Variants in ATRNL1 observed in about 807,000 individuals in gnomAD.
ATRNL1 encodes attractin like 1.
In ATRNL1, 95 loss-of-function variants were observed where a neutral mutation model predicts 182.7. The observed-to-expected ratio is 0.52, with a 90% CI of 0.44 to 0.62. The LOEUF (loss-of-function observed/expected upper bound fraction) is 0.62. ATRNL1 is among the 20% of genes least tolerant of loss of function. ATRNL1 has a pLI of 0.00. For missense variants in ATRNL1, 1,471 were observed against 1,679.5 expected (o/e 0.88, Z 2.17); for synonymous variants, 576 against 568.3 (o/e 1.01, Z -0.19).
At chr10:115,784,032 C>A (rs1388969456) in intron 27 of ATRNL1, among the ~76,000 whole-genome samples, 2 of 152,014 alleles carry the variant, frequency 1.3e-5, no homozygotes, top group East Asian at 1.9e-4. Flanking sequence ...ACAACAACAA[C>A]AAAAATGATT....
chr10:115,586,587 C>G (rs1282668695), intron 26 of ATRNL1, among the ~76,000 whole-genome samples: 1 of 106,236 alleles, frequency 9.4e-6, no homozygotes, highest in Admixed American at 1.2e-4. Context: ...GTTCTCGAGC[C>G]TTGGTTTTCA....
At chr10:115,905,040 G>T in intron 28 of ATRNL1, among the ~76,000 whole-genome samples, 1 of 152,106 alleles carries the variant, frequency 6.6e-6, no homozygotes, top group East Asian at 1.9e-4. Context: ...AAGTCTGAAA[G>T]AGTTCAAAAT....
At chr10:115,833,420 G>A (rs184289280) in intron 27 of ATRNL1, among the ~76,000 whole-genome samples, 1 of 152,284 alleles carries the variant, frequency 6.6e-6, no homozygotes, top group African/African-American at 2.4e-5. Context: ...CTCAAAGGCT[G>A]TGTCACACCA....
At position 115,114,689 on chromosome 10, in the gene ATRNL1, G is replaced by T. The variant is rs147646862; in HGVS notation, c.294-5496G>T. 2.9e-3 allele frequency among the ~76,000 whole-genome samples: 444 copies of T among 152,166 alleles called. 2 individuals are homozygous for T. The East Asian group carries it at 0.036, about 12-fold the overall frequency. The stretch of plus-strand genomic sequence containing the variant: ...GAAATGCAGATCAAAACCACAATGG[G>T]ATGTCATCTCATACCTCTTAAAATG... On this transcript the variant is annotated intron_variant, in intron 1 of 28. Coordinates refer to ENST00000355044, the MANE Select transcript of ATRNL1 (RefSeq NM_207303.4).
intron 19 of ATRNL1, among the ~76,000 whole-genome samples, chr10:115,371,708 G>C (rs1857405224): frequency 6.6e-6 from 1 of 152,198 alleles, no homozygotes; most frequent in East Asian, 1.9e-4. Context: ...TCTCGGATGA[G>C]ACTGTGGACT....
chr10:115,887,754 A>G (rs1951982896), intron 28 of ATRNL1, among the ~76,000 whole-genome samples: 2 of 151,166 alleles, frequency 1.3e-5, no homozygotes, highest in South Asian at 4.2e-4. Context: ...CAAACCAGAA[A>G]CCTTCCTCTA....
chr10:115,700,092 T>G, intron 26 of ATRNL1, among the ~76,000 whole-genome samples: 1 of 152,244 alleles, frequency 6.6e-6, no homozygotes, highest in Non-Finnish European at 1.5e-5. Flanking sequence ...CTGTCATTGA[T>G]GGACACTTAA....
intron 26 of ATRNL1, among the ~76,000 whole-genome samples, chr10:115,659,920 C>T (rs1320416113): frequency 2.0e-5 from 3 of 152,040 alleles, no homozygotes; most frequent in East Asian, 3.9e-4. Context: ...GTCAAGAGAT[C>T]GTTCTGGAGA....
intron 21 of ATRNL1, among the ~76,000 whole-genome samples, chr10:115,444,644 AT>A (rs1238255725): frequency 1.9e-4 from 27 of 144,600 alleles, no homozygotes; most frequent in African/African-American, 5.4e-4. Flanking sequence ...GTGTGAGTTG[AT>A]TTTTTTTTTC....
intron 19 of ATRNL1, among the ~76,000 whole-genome samples, chr10:115,373,446 T>C (rs1554948643): frequency 6.6e-6 from 1 of 152,078 alleles, no homozygotes; most frequent in African/African-American, 2.4e-5. Flanking sequence ...TTTATTGTTC[T>C]AGAAGAAATG....
chr10:115,641,422 C>T (rs780241258), intron 26 of ATRNL1, among the ~76,000 whole-genome samples: 7 of 152,156 alleles, frequency 4.6e-5, no homozygotes, highest in Non-Finnish European at 7.4e-5. Flanking sequence ...AAAGAAGTCA[C>T]ACATTGCCCT....
intron 27 of ATRNL1, among the ~76,000 whole-genome samples, chr10:115,749,862 C>T (rs1555070204): frequency 6.6e-6 from 1 of 151,936 alleles, no homozygotes; most frequent in Non-Finnish European, 1.5e-5. Context: ...GAGAAAGTCA[C>T]TTAAGCATTT....
At chr10:115,197,423 T>A (rs1848402855) in intron 8 of ATRNL1, among the ~76,000 whole-genome samples, 1 of 152,150 alleles carries the variant, frequency 6.6e-6, no homozygotes, top group Admixed American at 6.6e-5. Context: ...TTATGTAGAA[T>A]TGATATTATT....
intron 26 of ATRNL1, among the ~76,000 whole-genome samples, chr10:115,705,231 G>A (rs1363362767): frequency 6.6e-6 from 1 of 151,798 alleles, no homozygotes; most frequent in Non-Finnish European, 1.5e-5. Flanking sequence ...TGGATCCTGA[G>A]AACTAAAAAT....
At chr10:115,351,934 A>G (rs1856277952) in intron 19 of ATRNL1, among the ~76,000 whole-genome samples, 1 of 152,014 alleles carries the variant, frequency 6.6e-6, no homozygotes, top group Non-Finnish European at 1.5e-5. Context: ...CAGCAGTGAA[A>G]CTATCTGATA....
intron 26 of ATRNL1, among the ~76,000 whole-genome samples, chr10:115,717,225 G>C (rs1280564441): frequency 6.6e-6 from 1 of 152,140 alleles, no homozygotes; most frequent in Admixed American, 6.6e-5. Flanking sequence ...AACTTTACTT[G>C]AGGATGGTAA....
intron 8 of ATRNL1, among the ~76,000 whole-genome samples, chr10:115,209,224 G>A (rs138333208): frequency 5.9e-5 from 9 of 151,492 alleles, no homozygotes; most frequent in East Asian, 3.9e-4. Flanking sequence ...TATTTATTTC[G>A]CACTAAAAAG....
At chr10:115,727,440 C>A in intron 27 of ATRNL1, 85 bp downstream of exon 27, 2 of 986,956 alleles carry the variant, frequency 2.0e-6, no homozygotes, top group Non-Finnish European at 3.1e-6. Flanking sequence ...CTTATGAAGC[C>A]AAACAGAGTC....
At chr10:115,432,983 A>G (rs1846239457) in intron 21 of ATRNL1, among the ~76,000 whole-genome samples, 1 of 152,054 alleles carries the variant, frequency 6.6e-6, no homozygotes, top group African/African-American at 2.4e-5. Flanking sequence ...TTATTTCACT[A>G]TTGTGCTAAT....
Sources: allele counts gnomAD v4.1 joint callset (sites outside exome capture counted in the v4.1 genomes callset), GRCh38; gene constraint gnomAD v4.1.1; transcripts MANE v1.5; gene names NCBI Gene and HGNC (gene_info 2026-07-23, HGNC 2026-07-21).